Variants in CALN1 observed in about 807,000 individuals in gnomAD.
CALN1 encodes calneuron 1.
In CALN1, 17 loss-of-function variants were observed where a neutral mutation model predicts 30.6. That is an observed-to-expected ratio of 0.56 (90% CI 0.38 to 0.83). The LOEUF is 0.83. CALN1 is among the 40% of genes least tolerant of loss of function. The pLI is 0.00. For missense variants in CALN1, 291 were observed against 354.9 expected (o/e 0.82, Z 1.45); for synonymous variants, 156 against 131.4 (o/e 1.19, Z -1.28).
chr7:72,197,178 C>CTTTTTTTTT lies in CALN1; in HGVS notation c.244+81499_244+81507dup, dbSNP rs386410439. 3.1e-4 allele frequency among the ~76,000 whole-genome samples: 20 copies of CTTTTTTTTT among 64,212 alleles called. 1 individual carries two copies. The highest frequency in any genetic ancestry group is 3.2e-4 in the Non-Finnish European group (12 of 37,608). The allele number at this position is 64,212 out of a possible 152,430, so 42.1% of individuals were successfully genotyped here. A position where few individuals can be genotyped will look rare whatever the true frequency, so the allele number is the denominator to read the frequency against. ...TTTTCATTGTCAAATGGAAGGTTTGCTTTTTTTTTTTTTTTTTTTTTTTTG... is the reference window on the plus strand; with the variant it reads ...TTTTCATTGTCAAATGGAAGGTTTGCTTTTTTTTTTTTTTTTTTTTTTTTTTTTTTTTTG... On this transcript the variant is annotated intron_variant, in intron 3 of 6. Coordinates refer to ENST00000395275, the MANE Select transcript of CALN1 (RefSeq NM_031468.4).
chr7:72,001,205 T>C (rs968976203), intron 5 of CALN1, among the ~76,000 whole-genome samples: 1 of 151,928 alleles, frequency 6.6e-6, no homozygotes, highest in African/African-American at 2.4e-5. Flanking sequence ...AATGGACTCA[T>C]GTATATGCAC....
chr7:72,233,256 C>T (rs73704335), intron 3 of CALN1, among the ~76,000 whole-genome samples: 1 of 149,286 alleles, frequency 6.7e-6, no homozygotes, highest in Non-Finnish European at 1.5e-5. Context: ...GAGTAAAGGA[C>T]CCACTGCAGG....
In CALN1 at chr7:71,891,585, TA is replaced by T. The variant is rs200125752; in HGVS notation, c.502-81094del. 5.3e-4 allele frequency among the ~76,000 whole-genome samples: 80 copies of T among 152,342 alleles called. No individual in the cohort carries two copies. The East Asian group carries it at 0.014, about 27-fold the overall frequency. Reference sequence around the variant, plus strand: ...AAAATGGGAGGATAATGACAGTGCCTATTACATAGGGTTCTTGAGAGAACTA... The same window carrying T: ...AAAATGGGAGGATAATGACAGTGCCTTTACATAGGGTTCTTGAGAGAACTA... On this transcript the variant is annotated intron_variant, in intron 5 of 6. Coordinates refer to ENST00000395275, the MANE Select transcript of CALN1 (RefSeq NM_031468.4).
intron 2 of CALN1, among the ~76,000 whole-genome samples, chr7:72,326,982 A>G (rs1195432183): frequency 1.3e-5 from 2 of 152,200 alleles, no homozygotes; most frequent in Non-Finnish European, 2.9e-5. Flanking sequence ...TTTTCACCAC[A>G]AAAGGATATG....
At chr7:72,368,407 T>C (rs1014360968) in intron 2 of CALN1, among the ~76,000 whole-genome samples, 9 of 151,766 alleles carry the variant, frequency 5.9e-5, no homozygotes, top group Non-Finnish European at 1.2e-4. Context: ...GGCAGAAATA[T>C]TAATATTGGT....
chr7:72,037,416 C>G (rs962176254), intron 4 of CALN1, among the ~76,000 whole-genome samples: 6 of 152,188 alleles, frequency 3.9e-5, no homozygotes, highest in Admixed American at 2.0e-4. Context: ...TCCCAAAGTG[C>G]TGGGATTACA....
intron 4 of CALN1, among the ~76,000 whole-genome samples, chr7:72,092,951 G>A (rs754284722): frequency 9.2e-5 from 14 of 152,094 alleles, no homozygotes; most frequent in African/African-American, 1.7e-4. Flanking sequence ...CAACCAACTC[G>A]CGATGACACA....
chr7:72,426,917 C>G (rs1424143792), intron 1 of CALN1, among the ~76,000 whole-genome samples: 1 of 152,188 alleles, frequency 6.6e-6, no homozygotes, highest in African/African-American at 2.4e-5. Context: ...CTTACCCAAG[C>G]CCCTGTCTTC....
Position 72,046,935 on chromosome 7 carries a change from G to A in CALN1, c.389-23166C>T, listed in dbSNP as rs192084169. Among the ~76,000 whole-genome samples, 57 of 151,934 alleles carry A rather than the reference G, an allele frequency of 3.8e-4. No homozygotes were observed. In the East Asian group the frequency reaches 9.1e-3, roughly 24 times the overall value. ...AAACATTAGCTGGGCACGGTGGCACGTGCCTATAGTCACAGGTACTCAGAA... is the reference window on the plus strand; with the variant it reads ...AAACATTAGCTGGGCACGGTGGCACATGCCTATAGTCACAGGTACTCAGAA... On this transcript the variant is annotated intron_variant, in intron 4 of 6. Transcript: ENST00000395275.
chr7:71,957,172 C>T (rs149126259), intron 5 of CALN1, among the ~76,000 whole-genome samples: 2 of 152,132 alleles, frequency 1.3e-5, no homozygotes, highest in East Asian at 1.9e-4. Flanking sequence ...CAAGCAGCCA[C>T]TCTCGGCTTT....
At chr7:72,455,880 G>A in the CALN1 span, among the ~76,000 whole-genome samples, 1 of 152,104 alleles carries the variant, frequency 6.6e-6, no homozygotes, top group Admixed American at 6.6e-5. Context: ...AGGGAGAGGG[G>A]AAGCCACTAT....
At chr7:72,344,667 TATTTTA>T (rs1355301021) in intron 2 of CALN1, among the ~76,000 whole-genome samples, 4 of 147,056 alleles carry the variant, frequency 2.7e-5, no homozygotes, top group African/African-American at 9.8e-5. Flanking sequence ...TATAAATATA[TATTTTA>T]TTTATGTATA....
At chr7:71,810,539 G>A in intron 5 of CALN1, 47 bp from the exon 6 acceptor site, 1 of 1,591,044 alleles carries the variant, frequency 6.3e-7, no homozygotes, top group Non-Finnish European at 8.6e-7. Context: ...TGTGGAGATG[G>A]GAAGTTGGCT....
At chr7:72,052,077 G>C (rs960457626) in intron 4 of CALN1, among the ~76,000 whole-genome samples, 1 of 152,104 alleles carries the variant, frequency 6.6e-6, no homozygotes, top group Non-Finnish European at 1.5e-5. Context: ...GAATTCATGA[G>C]ACAAGATGAT....
chr7:72,473,304 C>T, the CALN1 span, among the ~76,000 whole-genome samples: 2 of 152,022 alleles, frequency 1.3e-5, no homozygotes, highest in Non-Finnish European at 2.9e-5. Context: ...TCTCAGGTGC[C>T]GAGGTCTCAG....
intron 4 of CALN1, among the ~76,000 whole-genome samples, chr7:72,035,009 G>A (rs943119026): frequency 3.9e-5 from 6 of 151,984 alleles, no homozygotes; most frequent in African/African-American, 7.3e-5. Flanking sequence ...ACCCACTCCC[G>A]AAAAACTAAT....
At chr7:72,290,671 C>G (rs145259401) in intron 2 of CALN1, among the ~76,000 whole-genome samples, 43 of 152,294 alleles carry the variant, frequency 2.8e-4, no homozygotes, top group African/African-American at 1.0e-3. Context: ...ATTCTTTAAA[C>G]TCTTTTTAAT....
In CALN1 at chr7:71,780,578, C is replaced by G. The variant is rs745889449; in HGVS notation, c.*7197G>C. 1.3e-5 allele frequency: 2 copies of G among 152,058 alleles called. No individual in the cohort carries two copies. The highest frequency in any genetic ancestry group is 4.8e-5 in the African/African-American group (2 of 41,406). The allele number at this position is 152,058 out of a possible 1,614,324, so 9.4% of individuals were successfully genotyped here. On this transcript the variant is annotated 3_prime_UTR_variant, in exon 7 of 7. Transcript: ENST00000395275. Reference sequence around the variant, plus strand: ...GGGCTGTCGCAGGTAGCCGGTCCCCCGCGACTGTTAATCTAATTCCTCACA... The same window carrying G: ...GGGCTGTCGCAGGTAGCCGGTCCCCGGCGACTGTTAATCTAATTCCTCACA...
At chr7:72,285,204 T>G (rs928800821) in intron 2 of CALN1, among the ~76,000 whole-genome samples, 4 of 152,122 alleles carry the variant, frequency 2.6e-5, no homozygotes, top group Non-Finnish European at 4.4e-5. Context: ...TATTTTTGCT[T>G]CTTTTATTTT....
Sources: allele counts gnomAD v4.1 joint callset (sites outside exome capture counted in the v4.1 genomes callset), GRCh38; gene constraint gnomAD v4.1.1; transcripts MANE v1.5; gene names NCBI Gene and HGNC (gene_info 2026-07-23, HGNC 2026-07-21).